Variants in SLC8A3 observed in about 807,000 individuals in gnomAD.
SLC8A3 encodes the protein sodium/calcium exchanger 3.
SLC8A3 carries 37 observed loss-of-function variants against 65.4 expected under a neutral mutation model. That is an observed-to-expected ratio of 0.57 (90% CI 0.44 to 0.74). The LOEUF (loss-of-function observed/expected upper bound fraction) is 0.74, where lower values mean the gene tolerates loss of function less well. Ranked by LOEUF, SLC8A3 falls within the 30% of genes least tolerant of loss-of-function variation. The pLI, the probability that SLC8A3 is intolerant of heterozygous loss-of-function variation, is 0.00. For missense variants in SLC8A3, 1,112 were observed against 1,172.1 expected (o/e 0.95, Z 0.75); for synonymous variants, 461 against 444.5 (o/e 1.04, Z -0.47).
chr14:70,111,215 G>T (rs1270033254), intron 2 of SLC8A3, among the ~76,000 whole-genome samples: 9 of 152,166 alleles, frequency 5.9e-5, no homozygotes, highest in Non-Finnish European at 1.2e-4. Flanking sequence ...TTTAACTGGG[G>T]TGAAATAATA....
intron 2 of SLC8A3, among the ~76,000 whole-genome samples, chr14:70,139,848 A>G (rs973567735): frequency 6.6e-6 from 1 of 152,174 alleles, no homozygotes; most frequent in African/African-American, 2.4e-5. Context: ...ACCATCTCCA[A>G]ATAACCAACA....
At chr14:70,113,851 G>C (rs1893474625) in intron 2 of SLC8A3, among the ~76,000 whole-genome samples, 1 of 152,154 alleles carries the variant, frequency 6.6e-6, no homozygotes, top group South Asian at 2.1e-4. Context: ...TTCAATTATA[G>C]CAAGTTCAAG....
chr14:70,129,331 A>T (rs537459190), intron 2 of SLC8A3, among the ~76,000 whole-genome samples: 18 of 152,332 alleles, frequency 1.2e-4, no homozygotes, highest in Non-Finnish European at 2.5e-4. Flanking sequence ...GGAGGGCTAA[A>T]TAACTCTGAG....
chr14:70,159,201 G>A (rs1896741409), intron 2 of SLC8A3, among the ~76,000 whole-genome samples: 3 of 152,210 alleles, frequency 2.0e-5, no homozygotes, highest in Middle Eastern at 3.4e-3. Flanking sequence ...CTGAAGTCAG[G>A]AGTTTGAGAT....
chr14:70,061,365 T>C (rs1167983184), intron 2 of SLC8A3, among the ~76,000 whole-genome samples: 1 of 152,158 alleles, frequency 6.6e-6, no homozygotes, highest in Non-Finnish European at 1.5e-5. Flanking sequence ...GGTAAACTAC[T>C]AACCCACTGG....
chr14:70,116,909 C>T (rs143285281), intron 2 of SLC8A3, among the ~76,000 whole-genome samples: 193 of 152,346 alleles, frequency 1.3e-3, no homozygotes, highest in African/African-American at 4.2e-3. Context: ...GCAGAATTAT[C>T]AACAACATCT....
At chr14:70,185,116 G>A (rs1244009727) in intron 1 of SLC8A3, among the ~76,000 whole-genome samples, 1 of 151,964 alleles carries the variant, frequency 6.6e-6, no homozygotes, top group Non-Finnish European at 1.5e-5. Context: ...ACAGGTGCCT[G>A]CCACCATGCC....
intron 2 of SLC8A3, among the ~76,000 whole-genome samples, chr14:70,129,991 A>G (rs905923884): frequency 2.2e-4 from 34 of 152,330 alleles, no homozygotes; most frequent in Admixed American, 2.2e-3. Context: ...CTTAGGGCAA[A>G]TTTCTTCCAT....
chr14:70,084,425 A>C (rs1891277229), intron 2 of SLC8A3, among the ~76,000 whole-genome samples: 1 of 152,168 alleles, frequency 6.6e-6, no homozygotes, highest in South Asian at 2.1e-4. Context: ...TGGTTATCTT[A>C]TCTTTTCACC....
chr14:70,097,861 C>G (rs1892292747), intron 2 of SLC8A3, among the ~76,000 whole-genome samples: 1 of 152,138 alleles, frequency 6.6e-6, no homozygotes, highest in Non-Finnish European at 1.5e-5. Flanking sequence ...CCTCAGAAGC[C>G]AAGGGTGCAC....
chr14:70,171,833 G>A (rs945926675), intron 1 of SLC8A3, among the ~76,000 whole-genome samples: 5 of 151,634 alleles, frequency 3.3e-5, no homozygotes, highest in Non-Finnish European at 7.4e-5. Flanking sequence ...AAGGCAAGGC[G>A]GTGAGATGGC....
At chr14:70,052,168 G>A in intron 3 of SLC8A3, 54 bp from the exon 4 acceptor site, 1 of 1,544,940 alleles carries the variant, frequency 6.5e-7, no homozygotes. Context: ...TCCCTGGAAG[G>A]ATACAGCTCA....
At chr14:70,113,251 A>G (rs183521747) in intron 2 of SLC8A3, among the ~76,000 whole-genome samples, 1 of 152,326 alleles carries the variant, frequency 6.6e-6, no homozygotes, top group Admixed American at 6.5e-5. Context: ...CCTAGGCTGT[A>G]TGGTATAGCC....
chr14:70,159,323 C>A lies in SLC8A3; in HGVS notation c.1784+7316G>T, dbSNP rs114156471. ...ATGCAGGAGGCTGAGGCATGAGAAT[C>A]GCTTGAACTCGAAAGCAGAGGTTGC... On this transcript the variant is annotated intron_variant, in intron 2 of 6. Transcript: ENST00000356921. 5.2e-3 allele frequency among the ~76,000 whole-genome samples: 778 copies of A among 150,304 alleles called. 9 individuals are homozygous for A. Among genetic ancestry groups the A allele is most frequent in the African/African-American group, 0.017 (707 of 40,918 alleles).
At chr14:70,076,564 T>C (rs1890537355) in intron 2 of SLC8A3, among the ~76,000 whole-genome samples, 1 of 152,212 alleles carries the variant, frequency 6.6e-6, no homozygotes, top group African/African-American at 2.4e-5. Flanking sequence ...CTAGGGATGC[T>C]GAGGCACACA....
rs1480746322 is a variant in SLC8A3 at position 70,046,124 on chromosome 14, G to T, written c.2589C>A (p.Thr863=). The part of the protein sequence containing the change: ...GTLAFSVTLF[T]IFAFVCISVL... ...CGCTGATGCAGACAAATGCAAAGAT[G>T]GTGAAGAGGGTGACGGAGAAGGCCA... Residue 863 remains threonine (T), a synonymous_variant, in exon 7 of 7, where the codon ACC becomes ACA. Coordinates refer to ENST00000356921, the MANE Select transcript of SLC8A3 (RefSeq NM_182932.3). This position sits in a 1 kb window ranked among gnomAD's most constrained non-coding sequence, Gnocchi z 4.2. The T allele has an allele frequency of 1.2e-6, 2 of 1,614,072 alleles. No individual in the cohort carries two copies. Among genetic ancestry groups the T allele is most frequent in the Non-Finnish European group, 1.7e-6 (2 of 1,180,030 alleles).
At chr14:70,155,468 T>C (rs1896524099) in intron 2 of SLC8A3, among the ~76,000 whole-genome samples, 1 of 152,190 alleles carries the variant, frequency 6.6e-6, no homozygotes, top group Non-Finnish European at 1.5e-5. Context: ...TGAGTGAGAA[T>C]ATGTGGTATT....
intron 2 of SLC8A3, among the ~76,000 whole-genome samples, chr14:70,148,581 T>C (rs549590298): frequency 3.8e-4 from 58 of 152,308 alleles, no homozygotes; most frequent in South Asian, 8.3e-4. Context: ...TTTTATCTCC[T>C]TCTGCTCAGG....
intron 2 of SLC8A3, among the ~76,000 whole-genome samples, chr14:70,099,857 A>C (rs1178919422): frequency 6.6e-6 from 1 of 152,216 alleles, no homozygotes; most frequent in African/African-American, 2.4e-5. Context: ...ATAAACTCCT[A>C]AAGCCAGAAT....
Sources: gnomAD v4.1 joint callset for allele counts (sites outside exome capture counted in the v4.1 genomes callset) on GRCh38, gnomAD v4.1.1 for gene constraint, Gnocchi (gnomAD v3.1) non-coding constraint, MANE v1.5 for transcripts, NCBI Gene and HGNC (gene_info 2026-07-23, HGNC 2026-07-21) for gene names.